The following DOCK8 variants were observed in gnomAD, a reference collection of about 807,000 sequenced individuals.
DOCK8 encodes the protein dedicator of cytokinesis 8.
In DOCK8, 141 loss-of-function variants were observed where a neutral mutation model predicts 245.6. The observed-to-expected ratio is 0.57, with a 90% CI of 0.50 to 0.66. The LOEUF (loss-of-function observed/expected upper bound fraction) is 0.66, where lower values mean the gene tolerates loss of function less well. DOCK8 is among the 30% of genes least tolerant of loss of function. DOCK8 has a pLI of 0.00. For synonymous variants in DOCK8, 1,168 were observed against 970.2 expected (o/e 1.20, Z -3.79); for missense variants, 2,965 against 2,603.4 (o/e 1.14, Z -3.02).
At chr9:372,837 C>G (rs1302068028) in intron 18 of DOCK8, among the ~76,000 whole-genome samples, 2 of 152,192 alleles carry the variant, frequency 1.3e-5, no homozygotes, top group African/African-American at 4.8e-5. Context: ...CAAGACCAGC[C>G]TGGCCAAGGT....
At chr9:309,609 T>C (rs575014845) in intron 5 of DOCK8, among the ~76,000 whole-genome samples, 5 of 152,348 alleles carry the variant, frequency 3.3e-5, no homozygotes, top group Admixed American at 3.3e-4. Flanking sequence ...GTGACTGATT[T>C]AAGGTTGTTT....
At chr9:363,171 G>A in intron 14 of DOCK8, among the ~76,000 whole-genome samples, 1 of 152,232 alleles carries the variant, frequency 6.6e-6, no homozygotes, top group East Asian at 1.9e-4. Flanking sequence ...TCTCAATGCG[G>A]TGGTATATGT....
intron 14 of DOCK8, among the ~76,000 whole-genome samples, chr9:359,966 G>A (rs1049567612): frequency 3.3e-5 from 5 of 152,090 alleles, no homozygotes; most frequent in African/African-American, 7.2e-5. Context: ...TATCAGAATT[G>A]CATGTTGCTA....
rs2056804097 is a variant in DOCK8 at position 433,866 on chromosome 9, T to G, written c.4786-9T>G. ...GCTAAGATTATTTTGAGGCTTACAC[T>G]TTTTGCAGGTGGAGGAACTTCTCTG... On this transcript the variant is annotated splice_polypyrimidine_tract_variant and intron_variant, in intron 37 of 47. Transcript: ENST00000432829. 1.2e-6 allele frequency: 2 copies of G among 1,609,556 alleles called. No individual in the cohort carries two copies. Among genetic ancestry groups the G allele is most frequent in the East Asian group, 4.5e-5 (2 of 44,848 alleles).
At chr9:223,331 C>T (rs147635643) in intron 1 of DOCK8, among the ~76,000 whole-genome samples, 25 of 152,230 alleles carry the variant, frequency 1.6e-4, no homozygotes, top group African/African-American at 6.0e-4. Flanking sequence ...TCATGCCAGC[C>T]ATTGAGGATT....
rs140942548 is a variant in DOCK8, at chr9:309,760, A to G, written c.529-2194A>G. Among the ~76,000 whole-genome samples, 19 of 152,364 alleles carry G rather than the reference A, an allele frequency of 1.2e-4. No homozygotes were observed. The East Asian group carries it at 3.7e-3, about 29-fold the overall frequency. ...CACTCCCACATCGACCTTTGGAAGC[A>G]TAACATTCAGCTTTGGTGTCTATAC... On this transcript the variant is annotated intron_variant, in intron 5 of 47. Coordinates refer to ENST00000432829, the MANE Select transcript of DOCK8 (RefSeq NM_203447.4).
chr9:417,366 T>G (rs1413728668), intron 29 of DOCK8, among the ~76,000 whole-genome samples: 2 of 152,228 alleles, frequency 1.3e-5, no homozygotes, highest in Non-Finnish European at 2.9e-5. Context: ...ACTCAAATTT[T>G]TCTAAATAAT....
chr9:425,663 C>T (rs1005372209), intron 33 of DOCK8, among the ~76,000 whole-genome samples: 2 of 148,446 alleles, frequency 1.3e-5, no homozygotes, highest in Non-Finnish European at 3.0e-5. Context: ...GAGGCTAAGG[C>T]AGAGCATCAC....
At chr9:227,819 G>A (rs1290121087) in intron 1 of DOCK8, among the ~76,000 whole-genome samples, 1 of 152,098 alleles carries the variant, frequency 6.6e-6, no homozygotes, top group African/African-American at 2.4e-5. Flanking sequence ...GGGCCTAGAG[G>A]AAGAGTCACT....
At chr9:374,617 A>C (rs1250386517) in intron 18 of DOCK8, among the ~76,000 whole-genome samples, 1 of 123,338 alleles carries the variant, frequency 8.1e-6, no homozygotes, top group Admixed American at 9.3e-5. Context: ...ATGCACCACC[A>C]CGCCCAGCTA....
chr9:298,937 G>A (rs1400438329), intron 4 of DOCK8, among the ~76,000 whole-genome samples: 2 of 151,322 alleles, frequency 1.3e-5, no homozygotes, highest in East Asian at 3.9e-4. Flanking sequence ...ACTAATGTGG[G>A]AAATTTGAAT....
chr9:311,667 C>G (rs1322231354), intron 5 of DOCK8, among the ~76,000 whole-genome samples: 1 of 152,114 alleles, frequency 6.6e-6, no homozygotes, highest in Non-Finnish European at 1.5e-5. Flanking sequence ...AGCCAACAAC[C>G]GATAGGAATG....
At chr9:298,747 A>G (rs1023927561) in intron 4 of DOCK8, among the ~76,000 whole-genome samples, 2 of 152,164 alleles carry the variant, frequency 1.3e-5, no homozygotes, top group African/African-American at 2.4e-5. Context: ...TAAAGCTGAT[A>G]TAGTTCTGGT....
In DOCK8 at chr9:379,855, A is replaced by G. The variant is rs760418642; in HGVS notation, c.2525A>G (p.His842Arg). 2 of 1,614,124 alleles carry G rather than the reference A, an allele frequency of 1.2e-6. No individual in the cohort carries two copies. Among genetic ancestry groups the G allele is most frequent in the African/African-American group, 2.7e-5 (2 of 74,944 alleles). The change falls in exon 21 of 48, where the codon CAT becomes CGT. Residue 842 changes from histidine (H) to arginine (R), a missense_variant. His to Arg is a conservative substitution (Grantham distance 29). Coordinates refer to ENST00000432829, the MANE Select transcript of DOCK8 (RefSeq NM_203447.4). ...HNSKDLSKDQ[H>R]GRNCLLASYV... ...AGCAAGGACCTGAGCAAGGACCAGC[A>G]TGGGAGGAACTGCCTGCTGGCTTCC... is the stretch of plus-strand genomic sequence containing the variant.
chr9:384,357 G>A (rs2053856681), intron 22 of DOCK8, among the ~76,000 whole-genome samples: 1 of 152,178 alleles, frequency 6.6e-6, no homozygotes, highest in Non-Finnish European at 1.5e-5. Flanking sequence ...AGCTATTAGA[G>A]TAATATCATT....
Position 408,330 on chromosome 9 carries a change from C to T in DOCK8, c.3530+1261C>T, listed in dbSNP as rs146321873. Among the ~76,000 whole-genome samples, 57 of 152,330 alleles carry T rather than the reference C, an allele frequency of 3.7e-4. No individual in the cohort carries two copies. The East Asian group carries it at 8.7e-3, about 23-fold the overall frequency. ...CACCGCTGAAGTGACTCTATGTCTG[C>T]GTCTCCTGGCAGGATAGTGTGGGGA... On this transcript the variant is annotated intron_variant, in intron 28 of 47. Coordinates refer to ENST00000432829, the MANE Select transcript of DOCK8 (RefSeq NM_203447.4).
chr9:377,141 C>G lies in DOCK8; in HGVS notation c.2370C>G (p.Leu790=). ...CCTCCCGCCTGGAGCCGCTCGTGCT[C>G]TTCCTGCACCTGGTGCTGGACAAGC... ...LNSSRLEPLV[L]FLHLVLDKLF... Residue 790 remains leucine (L), a synonymous_variant, in exon 20 of 48, where the codon CTC becomes CTG. Coordinates refer to ENST00000432829, the MANE Select transcript of DOCK8 (RefSeq NM_203447.4). The G allele has an allele frequency of 1.2e-6, 2 of 1,607,694 alleles. No homozygotes were observed. Among genetic ancestry groups the G allele is most frequent in the Non-Finnish European group, 8.5e-7 (1 of 1,179,748 alleles).
chr9:213,246 C>G (rs1396565964), upstream of DOCK8: 1 of 152,138 alleles, frequency 6.6e-6, no homozygotes, highest in Non-Finnish European at 1.5e-5. Flanking sequence ...AGTTACCTAA[C>G]CAGTACTGAA....
intron 1 of DOCK8, among the ~76,000 whole-genome samples, chr9:216,553 A>AAAAAAAAAAAAAAAAAC (rs2046758482): frequency 6.6e-6 from 1 of 151,432 alleles, no homozygotes; most frequent in African/African-American, 2.4e-5. Flanking sequence ...AAAAAAAAAA[A>AAAAAAAAAAAAAAAAAC]AAGCAAAAAC....
Sources: allele counts gnomAD v4.1 joint callset (sites outside exome capture counted in the v4.1 genomes callset), GRCh38; gene constraint gnomAD v4.1.1; transcripts MANE v1.5; gene names NCBI Gene and HGNC (gene_info 2026-07-23, HGNC 2026-07-21).